DRGX: variants seen among roughly 807,000 people sequenced by gnomAD.
DRGX encodes dorsal root ganglia homeobox, also known as dorsal root ganglia homeobox protein.
DRGX carries 21 observed loss-of-function variants against 28.6 expected under a neutral mutation model. That is an observed-to-expected ratio of 0.73 (90% CI 0.52 to 1.06). DRGX has a LOEUF of 1.06. DRGX is among the 50% of genes least tolerant of loss of function. The pLI is 0.00. For synonymous variants in DRGX, 136 were observed against 139.1 expected (o/e 0.98, Z 0.16); for missense variants, 354 against 343.9 (o/e 1.03, Z -0.23).
chr10:49,393,582 T>A (rs1258288861), intron 2 of DRGX, among the ~76,000 whole-genome samples: 1 of 152,162 alleles, frequency 6.6e-6, no homozygotes, highest in Non-Finnish European at 1.5e-5. Context: ...TAACAAAAAA[T>A]TAAAATAAAA....
In DRGX at chr10:49,373,060, A is replaced by C. The variant is rs1849677817; in HGVS notation, c.527-6679T>G. Among the ~76,000 whole-genome samples, 3 of 152,226 alleles carry C rather than the reference A, an allele frequency of 2.0e-5. No homozygotes were observed. The South Asian group carries it at 6.2e-4, about 32-fold the overall frequency. On this transcript the variant is annotated intron_variant, in intron 6 of 6. Transcript: ENST00000374139. ...CTAAAATTGGAACAATAAAGAGAAG[A>C]TAAGCAAATAATATTTTTTAAAGAT...
At position 49,376,730 on chromosome 10, in the gene DRGX, C is replaced by T. The variant is rs114300464; in HGVS notation, c.526+9748G>A. ...CAAGGTGACCCAGTGTCAAGAAGGACGCAGCATTGCCAGGCTCCTTCCCGG... is the reference window on the plus strand; with the variant it reads ...CAAGGTGACCCAGTGTCAAGAAGGATGCAGCATTGCCAGGCTCCTTCCCGG... On this transcript the variant is annotated intron_variant, in intron 6 of 6. Coordinates refer to ENST00000374139, the MANE Select transcript of DRGX (RefSeq NM_001276451.2). Among the ~76,000 whole-genome samples the T allele has an allele frequency of 9.4e-3, 1,427 of 152,262 alleles. 10 individuals are homozygous for T. The highest frequency in any genetic ancestry group is 0.021 in the African/African-American group (889 of 41,536).
intron 6 of DRGX, among the ~76,000 whole-genome samples, chr10:49,370,529 A>G (rs569924905): frequency 9.9e-5 from 15 of 151,148 alleles, no homozygotes; most frequent in Non-Finnish European, 2.1e-4. Context: ...CTGCAGGTGG[A>G]CGCACAAACA....
chr10:49,383,496 A>G (rs1849799931), intron 6 of DRGX, among the ~76,000 whole-genome samples: 3 of 152,202 alleles, frequency 2.0e-5, no homozygotes, highest in Admixed American at 2.0e-4. Context: ...AGCCTGTCAC[A>G]AAACAGCAGG....
chr10:49,390,310 C>G, intron 3 of DRGX, 76 bp from the exon 4 acceptor site: 4 of 1,282,130 alleles, frequency 3.1e-6, no homozygotes, highest in Non-Finnish European at 2.2e-6. Flanking sequence ...TTTCAAATCT[C>G]CTGTGAGTGG....
At chr10:49,373,554 C>T (rs1167532876) in intron 6 of DRGX, among the ~76,000 whole-genome samples, 1 of 152,136 alleles carries the variant, frequency 6.6e-6, no homozygotes, top group African/African-American at 2.4e-5. Context: ...CTCTCAGGGA[C>T]TAATGTCCTT....
chr10:49,395,267 C>A, intron 2 of DRGX, 140 bp downstream of exon 2: 1 of 1,016,934 alleles, frequency 9.8e-7, no homozygotes, highest in Non-Finnish European at 1.4e-6. Context: ...GGGAGGGGTC[C>A]AGGGAGGCCC....
intron 2 of DRGX, among the ~76,000 whole-genome samples, chr10:49,392,050 G>A (rs1849912463): frequency 6.6e-6 from 1 of 152,172 alleles, no homozygotes; most frequent in African/African-American, 2.4e-5. Flanking sequence ...AGGCTTCCAA[G>A]CTCGTTATAA....
chr10:49,380,028 G>A (rs902634040), intron 6 of DRGX, among the ~76,000 whole-genome samples: 4 of 152,190 alleles, frequency 2.6e-5, no homozygotes, highest in East Asian at 1.9e-4. Context: ...CTCTGGCCTC[G>A]GGCTCTGACT....
Position 49,365,994 on chromosome 10 carries a change from G to A in DRGX, c.*122C>T. 1 of 1,252,366 alleles carries A rather than the reference G, an allele frequency of 8.0e-7. No homozygotes were observed. Among genetic ancestry groups the A allele is most frequent in the Non-Finnish European group, 1.1e-6 (1 of 944,412 alleles). 77.6% of individuals were successfully genotyped at this position (1,252,366 alleles called of 1,614,324 possible). A position where few individuals can be genotyped will look rare whatever the true frequency, so the allele number is the denominator to read the frequency against. On this transcript the variant is annotated 3_prime_UTR_variant, in exon 7 of 7. Coordinates refer to ENST00000374139, the MANE Select transcript of DRGX (RefSeq NM_001276451.2). ...CTGTGGGTCTCACTTGCCCGTCCTG[G>A]GTCCATGCAGAGGCCCTGGGGCCGC...
rs145359953 is a variant in DRGX, at chr10:49,387,596, G to C, written c.235-738C>G. ...GATAATCACTTGAACCCGGGAGGTA[G>C]AGGTCGCAGTGAGCCGAGATCATGC... On this transcript the variant is annotated intron_variant, in intron 4 of 6. Coordinates refer to ENST00000374139, the MANE Select transcript of DRGX (RefSeq NM_001276451.2). Among the ~76,000 whole-genome samples, 250 of 150,954 alleles carry C rather than the reference G, an allele frequency of 1.7e-3. 1 individual carries two copies. Among genetic ancestry groups the C allele is most frequent in the African/African-American group, 5.8e-3 (240 of 41,046 alleles).
At chr10:49,394,029 T>C (rs11101116) in intron 2 of DRGX, among the ~76,000 whole-genome samples, 1 of 152,202 alleles carries the variant, frequency 6.6e-6, no homozygotes, top group Non-Finnish European at 1.5e-5. Context: ...CTGGTTCAGA[T>C]GCACAGAGAA....
At chr10:49,369,546 T>C (rs1238875058) in intron 6 of DRGX, among the ~76,000 whole-genome samples, 2 of 151,824 alleles carry the variant, frequency 1.3e-5, no homozygotes, top group Admixed American at 6.6e-5. Context: ...GTCCCCAGAG[T>C]ACTCAAATTC....
intron 4 of DRGX, 52 bp downstream of exon 4, chr10:49,390,081 A>C: frequency 6.5e-7 from 1 of 1,528,498 alleles, no homozygotes; most frequent in South Asian, 1.3e-5. Context: ...TGTCAAAAAA[A>C]AGTTTGCCAG....
At chr10:49,366,574 A>T (rs529805810) in intron 6 of DRGX, among the ~76,000 whole-genome samples, 193 bp from the exon 7 acceptor site, 1 of 152,328 alleles carries the variant, frequency 6.6e-6, no homozygotes, top group South Asian at 2.1e-4. Context: ...CGTTCAAAGG[A>T]TTGTCAGAGC....
chr10:49,381,599 C>G (rs747699033), intron 6 of DRGX, among the ~76,000 whole-genome samples: 4 of 152,192 alleles, frequency 2.6e-5, no homozygotes, highest in Non-Finnish European at 5.9e-5. Flanking sequence ...GACCAGGACC[C>G]CCAGCTCAGA....
intron 6 of DRGX, among the ~76,000 whole-genome samples, chr10:49,381,786 A>AG (rs1849779432): frequency 6.6e-6 from 1 of 152,214 alleles, no homozygotes; most frequent in Non-Finnish European, 1.5e-5. Flanking sequence ...AGCAGCACCC[A>AG]GGGGGTATCT....
intron 2 of DRGX, among the ~76,000 whole-genome samples, chr10:49,393,912 C>T (rs1590372964): frequency 1.3e-5 from 2 of 152,212 alleles, no homozygotes; most frequent in South Asian, 4.1e-4. Context: ...GCAGTCCACC[C>T]CGCAGACAGA....
At chr10:49,381,528 C>T (rs976937616) in intron 6 of DRGX, among the ~76,000 whole-genome samples, 1 of 152,222 alleles carries the variant, frequency 6.6e-6, no homozygotes, top group African/African-American at 2.4e-5. Flanking sequence ...TATGTGGAGG[C>T]TCTCTCAATA....
Sources: allele counts gnomAD v4.1 joint callset (sites outside exome capture counted in the v4.1 genomes callset), GRCh38; gene constraint gnomAD v4.1.1; transcripts MANE v1.5; gene names NCBI Gene and HGNC (gene_info 2026-07-23, HGNC 2026-07-21).